The following NAALAD2 variants were observed in gnomAD, a reference collection of about 807,000 sequenced individuals.
NAALAD2 encodes the protein N-acetylated-alpha-linked acidic dipeptidase 2.
NAALAD2 carries 89 observed loss-of-function variants against 95.6 expected under a neutral mutation model. The ratio of observed to expected loss-of-function variants is 0.93; its 90% CI spans 0.78 to 1.11. The LOEUF (loss-of-function observed/expected upper bound fraction) is 1.11, where lower values mean the gene tolerates loss of function less well. NAALAD2 is among the 50% of genes least tolerant of loss of function. NAALAD2 has a pLI of 0.00. For missense variants in NAALAD2, 894 were observed against 872.4 expected (o/e 1.02, Z -0.31); for synonymous variants, 264 against 294.4 (o/e 0.90, Z 1.06).
intron 2 of NAALAD2, 55 bp from the exon 3 acceptor site, chr11:90,147,275 G>A (rs1951769161): frequency 7.3e-7 from 1 of 1,369,104 alleles, no homozygotes; most frequent in Admixed American, 1.8e-5. Flanking sequence ...TAGTTCTTAG[G>A]CACATCGTCT....
intron 7 of NAALAD2, chr11:90,158,530 A>G (rs1952190398): frequency 3.6e-6 from 1 of 281,454 alleles, no homozygotes; most frequent in Non-Finnish European, 6.6e-6. Context: ...GAATTTTCAT[A>G]GGTATTCATT....
At chr11:90,170,198 TC>T (rs1044895099) in intron 13 of NAALAD2, 62 bp downstream of exon 13, 22 of 1,001,608 alleles carry the variant, frequency 2.2e-5, no homozygotes, top group Non-Finnish European at 3.3e-5. Context: ...TAACGTGTGT[TC>T]CCCCCTAAAT....
upstream of NAALAD2, among the ~76,000 whole-genome samples, chr11:90,132,895 C>A (rs2134802794): frequency 6.6e-6 from 1 of 152,218 alleles, no homozygotes; most frequent in South Asian, 2.1e-4. Context: ...AGGCTAGTAG[C>A]TGAAAAAGCT....
intron 2 of NAALAD2, among the ~76,000 whole-genome samples, chr11:90,137,078 T>A (rs568425696): frequency 3.9e-5 from 6 of 152,226 alleles, no homozygotes; most frequent in Admixed American, 3.3e-4. Flanking sequence ...GAACTAAATG[T>A]CATTATATTA....
At chr11:90,176,623 T>C (rs531814612) in intron 15 of NAALAD2, among the ~76,000 whole-genome samples, 76 of 152,350 alleles carry the variant, frequency 5.0e-4, no homozygotes, top group African/African-American at 1.7e-3. Context: ...CCTGATGATA[T>C]GCAGGTACTT....
At chr11:90,191,036 A>G (rs946443388) in intron 18 of NAALAD2, among the ~76,000 whole-genome samples, 2 of 152,116 alleles carry the variant, frequency 1.3e-5, no homozygotes, top group African/African-American at 2.4e-5. Context: ...CAACCCACAT[A>G]TAACTGTCTT....
intron 9 of NAALAD2, 107 bp downstream of exon 9, chr11:90,163,141 A>G (rs1243537956): frequency 8.3e-7 from 1 of 1,201,166 alleles, no homozygotes; most frequent in Non-Finnish European, 1.2e-6. Flanking sequence ...CTGATTTGAA[A>G]CTACTAAATT....
intron 17 of NAALAD2, among the ~76,000 whole-genome samples, chr11:90,182,100 C>T (rs569595947): frequency 3.3e-5 from 5 of 152,036 alleles, no homozygotes; most frequent in East Asian, 3.9e-4. Flanking sequence ...AGTTTAAGTG[C>T]GTTTGTAATA....
chr11:90,161,015 GC>G (rs1952279049), intron 8 of NAALAD2, among the ~76,000 whole-genome samples: 2 of 152,230 alleles, frequency 1.3e-5, no homozygotes, highest in African/African-American at 4.8e-5. Flanking sequence ...AACTTAATTT[GC>G]CCTAAGCAAA....
At position 90,181,728 on chromosome 11, in the gene NAALAD2, A is replaced by T. The variant is rs3740813; in HGVS notation, c.1940+27A>T. 1,228 of 312,212 alleles carry T rather than the reference A, an allele frequency of 3.9e-3. 5 individuals are homozygous for T. In the African/African-American group the frequency reaches 0.091, roughly 23 times the overall value. 19.3% of individuals were successfully genotyped at this position (312,212 alleles called of 1,614,324 possible). ...TAAGTTTCAAATCCCTTTTTTTTTA[A>T]AAAAAAAAAAAAAAGCAATCTGGTT... is the stretch of plus-strand genomic sequence containing the variant. On this transcript the variant is annotated intron_variant, in intron 17 of 18. Transcript: ENST00000534061.
intron 14 of NAALAD2, among the ~76,000 whole-genome samples, chr11:90,174,314 A>G (rs1591014326): frequency 2.0e-5 from 3 of 151,932 alleles, no homozygotes; most frequent in Non-Finnish European, 4.4e-5. Flanking sequence ...CTGGGCAACA[A>G]GAGTGAAACT....
At chr11:90,156,576 G>A (rs1952124794) in intron 6 of NAALAD2, among the ~76,000 whole-genome samples, 1 of 151,876 alleles carries the variant, frequency 6.6e-6, no homozygotes, top group African/African-American at 2.4e-5. Flanking sequence ...ATATATTGTG[G>A]TTTTATTTTA....
chr11:90,180,122 GT>G (rs1274608123), intron 16 of NAALAD2, among the ~76,000 whole-genome samples: 2 of 151,966 alleles, frequency 1.3e-5, no homozygotes, highest in Admixed American at 1.3e-4. Context: ...CCTGTCTATA[GT>G]TTTTTACCTC....
chr11:90,189,271 G>T (rs893233779), intron 18 of NAALAD2, among the ~76,000 whole-genome samples: 14 of 149,426 alleles, frequency 9.4e-5, no homozygotes, highest in Admixed American at 6.7e-5. Context: ...TTTTAGCTTG[G>T]TGAGACTTAT....
chr11:90,188,879 G>C (rs1046943869), intron 18 of NAALAD2, among the ~76,000 whole-genome samples: 4 of 152,064 alleles, frequency 2.6e-5, no homozygotes, highest in Admixed American at 1.3e-4. Context: ...TAATTGCTCT[G>C]TGTGGTAAGC....
chr11:90,189,476 G>GA (rs1345295185), intron 18 of NAALAD2, among the ~76,000 whole-genome samples: 5 of 152,106 alleles, frequency 3.3e-5, no homozygotes, highest in African/African-American at 9.7e-5. Context: ...TGAAATTCTA[G>GA]AAACATTTGT....
intron 13 of NAALAD2, among the ~76,000 whole-genome samples, chr11:90,173,149 A>G (rs1952688694): frequency 6.6e-6 from 1 of 152,170 alleles, no homozygotes; most frequent in Non-Finnish European, 1.5e-5. Context: ...AAGTTTGTAA[A>G]TGTATTTTTA....
intron 2 of NAALAD2, among the ~76,000 whole-genome samples, chr11:90,138,373 C>T (rs1343514031): frequency 6.6e-6 from 1 of 152,046 alleles, no homozygotes; most frequent in Non-Finnish European, 1.5e-5. Flanking sequence ...AGTCACATTC[C>T]ATTTAATTCT....
In NAALAD2 at chr11:90,176,052, C is replaced by T. The variant is rs1565542646; in HGVS notation, c.1583C>T (p.Thr528Ile). 6.2e-7 allele frequency: 1 copy of T among 1,612,646 alleles called. No homozygotes were observed. The highest frequency in any genetic ancestry group is 1.1e-5 in the South Asian group (1 of 91,036). Reference sequence around the variant, plus strand: ...ATTGCTTCAGGCAGAGCCCGTTACACTAAGAATAAGGTAAGCCATTTTATC... The same window carrying T: ...ATTGCTTCAGGCAGAGCCCGTTACATTAAGAATAAGGTAAGCCATTTTATC... Reference protein sequence around the residue: ...LGIASGRARYTKNKKTDKYSS... With the variant: ...LGIASGRARYIKNKKTDKYSS... The change falls in exon 15 of 19, where the codon ACT becomes ATT. Residue 528 changes from threonine to isoleucine, a missense_variant. Transcript: ENST00000534061.
Sources: gnomAD v4.1 joint callset for allele counts (sites outside exome capture counted in the v4.1 genomes callset) on GRCh38, gnomAD v4.1.1 for gene constraint, MANE v1.5 for transcripts, NCBI Gene and HGNC (gene_info 2026-07-23, HGNC 2026-07-21) for gene names.